Variants in IGSF10 observed in about 807,000 individuals in gnomAD.
IGSF10 encodes calvaria mechanical force protein 608.
IGSF10 carries 126 observed loss-of-function variants against 128.2 expected under a neutral mutation model. The observed-to-expected ratio is 0.98, with a 90% confidence interval of 0.85 to 1.14. The LOEUF is 1.14. Among genes scored for constraint, IGSF10 ranks in the 50% most tolerant of loss-of-function variants. IGSF10 has a pLI of 0.00. For missense variants in IGSF10, 3,295 were observed against 3,149.8 expected (o/e 1.05, Z -1.10); for synonymous variants, 1,185 against 1,146.2 (o/e 1.03, Z -0.68).
chr3:151,581,451 G>A, the IGSF10 span, among the ~76,000 whole-genome samples: 1 of 152,140 alleles, frequency 6.6e-6, no homozygotes, highest in Non-Finnish European at 1.5e-5. Flanking sequence ...CTAGAGGACT[G>A]TTATTCCTTT....
the IGSF10 span, among the ~76,000 whole-genome samples, chr3:151,572,084 T>G: frequency 6.6e-6 from 1 of 152,208 alleles, no homozygotes; most frequent in Non-Finnish European, 1.5e-5. Context: ...TTGATCGTGG[T>G]GGATAAGCCT....
chr3:151,608,361 G>T, the IGSF10 span, among the ~76,000 whole-genome samples: 4 of 152,166 alleles, frequency 2.6e-5, no homozygotes, highest in African/African-American at 9.7e-5. Context: ...GGTTTTGCAT[G>T]GAACTGAGTT....
chr3:151,487,993 G>GA, the IGSF10 span, among the ~76,000 whole-genome samples: 1 of 151,758 alleles, frequency 6.6e-6, no homozygotes, highest in Non-Finnish European at 1.5e-5. Flanking sequence ...AATCAGGCAA[G>GA]AAAAAGAAAA....
chr3:151,560,763 C>A, the IGSF10 span, among the ~76,000 whole-genome samples: 1 of 151,734 alleles, frequency 6.6e-6, no homozygotes, highest in African/African-American at 2.4e-5. Context: ...TATATTTCTT[C>A]AAATCCACAC....
chr3:151,447,907 C>T lies in IGSF10; in HGVS notation c.2074G>A (p.Glu692Lys), dbSNP rs765806227. The T allele has an allele frequency of 1.9e-6, 3 of 1,614,062 alleles. No individual in the cohort carries two copies. The highest frequency in any genetic ancestry group is 2.2e-5 in the East Asian group (1 of 44,876). Residue 692 changes from glutamate to lysine, a missense_variant, in exon 6 of 8, where the codon GAG (glutamate) becomes AAG (lysine). By Grantham distance (56) the Glu-to-Lys change is moderately conservative. Transcript: ENST00000282466. ...DESNPIAHLK[E>K]PPGAQLRTSA... Reference sequence around the variant, plus strand: ...GTACGGAGTTGTGCACCTGGTGGCTCCTTAAGATGAGCAATAGGATTGGAC... The same window carrying T: ...GTACGGAGTTGTGCACCTGGTGGCTTCTTAAGATGAGCAATAGGATTGGAC...
the IGSF10 span, among the ~76,000 whole-genome samples, chr3:151,520,220 T>C: frequency 6.6e-6 from 1 of 151,866 alleles, no homozygotes; most frequent in Admixed American, 6.6e-5. Flanking sequence ...GTTTGTTTTG[T>C]CTTCATAATG....
At chr3:151,526,528 A>G in the IGSF10 span, among the ~76,000 whole-genome samples, 1 of 152,114 alleles carries the variant, frequency 6.6e-6, no homozygotes, top group Non-Finnish European at 1.5e-5. Context: ...ATAGACTTTT[A>G]GTACCACGAA....
intron 4 of IGSF10, among the ~76,000 whole-genome samples, chr3:151,455,696 C>T (rs772051997): frequency 5.3e-5 from 8 of 152,144 alleles, no homozygotes; most frequent in Non-Finnish European, 8.8e-5. Flanking sequence ...ACATGCACAA[C>T]GCTTTATCTA....
At chr3:151,583,888 G>T in the IGSF10 span, among the ~76,000 whole-genome samples, 1 of 151,984 alleles carries the variant, frequency 6.6e-6, no homozygotes, top group Non-Finnish European at 1.5e-5. Context: ...CCCAACATAT[G>T]GACTATTTTT....
chr3:151,606,190 G>T, the IGSF10 span, among the ~76,000 whole-genome samples: 1 of 152,126 alleles, frequency 6.6e-6, no homozygotes, highest in East Asian at 1.9e-4. Flanking sequence ...GATTCATTGA[G>T]CTTTGAGATA....
At chr3:151,556,734 G>T in the IGSF10 span, among the ~76,000 whole-genome samples, 1 of 152,114 alleles carries the variant, frequency 6.6e-6, no homozygotes, top group East Asian at 1.9e-4. Context: ...TGGTAGGTAA[G>T]TTTCAGATTA....
the IGSF10 span, among the ~76,000 whole-genome samples, chr3:151,498,013 A>C: frequency 2.0e-5 from 3 of 152,288 alleles, no homozygotes; most frequent in African/African-American, 7.2e-5. Flanking sequence ...TGATTTTTGC[A>C]CATTGATTTT....
the IGSF10 span, among the ~76,000 whole-genome samples, chr3:151,568,098 G>T: frequency 2.0e-5 from 3 of 152,078 alleles, no homozygotes; most frequent in African/African-American, 7.2e-5. Context: ...CCTCTGTTCT[G>T]GTAGGTGGTC....
chr3:151,496,394 T>A, the IGSF10 span, among the ~76,000 whole-genome samples: 2 of 137,282 alleles, frequency 1.5e-5, no homozygotes, highest in Non-Finnish European at 3.1e-5. Flanking sequence ...TTCCCCTTCC[T>A]GTGTCCATGT....
the IGSF10 span, among the ~76,000 whole-genome samples, chr3:151,546,498 C>T: frequency 6.6e-6 from 1 of 151,208 alleles, no homozygotes; most frequent in African/African-American, 2.4e-5. Context: ...CAGGTGTCCA[C>T]AACCATGCCT....
the IGSF10 span, among the ~76,000 whole-genome samples, chr3:151,486,854 T>C: frequency 2.0e-3 from 305 of 152,332 alleles, 2 homozygotes; most frequent in African/African-American, 7.1e-3. Context: ...GGGAAATTTA[T>C]AGCACTAAAT....
the IGSF10 span, among the ~76,000 whole-genome samples, chr3:151,608,463 A>G: frequency 2.0e-5 from 3 of 152,306 alleles, no homozygotes; most frequent in Non-Finnish European, 4.4e-5. Flanking sequence ...ATTGGAAGAG[A>G]CCAATGACCT....
chr3:151,461,602 G>T, upstream of IGSF10: 1 of 203,144 alleles, frequency 4.9e-6, no homozygotes. Flanking sequence ...TTTGTGACAC[G>T]AGCAGCTAAA....
In IGSF10 at chr3:151,437,623, CAG is replaced by C. The variant is rs1560169756; in HGVS notation, c.6936_6937del (p.Ile2312MetfsTer6). 1 of 1,614,190 alleles carries C rather than the reference CAG, an allele frequency of 6.2e-7. No homozygotes were observed. The highest frequency in any genetic ancestry group is 2.2e-5 in the East Asian group (1 of 44,884). ...CTCTCCACCTTCATTTCGGGCCACA[CAG>C]ATAAAGTCGGCTGAATCTGAAAGCC... On this transcript the variant is annotated frameshift_variant, in exon 8 of 8. Coordinates refer to ENST00000282466, the MANE Select transcript of IGSF10 (RefSeq NM_178822.5). LOFTEE classifies it low-confidence loss of function (END_TRUNC).
Sources: allele counts gnomAD v4.1 joint callset (sites outside exome capture counted in the v4.1 genomes callset), GRCh38; gene constraint gnomAD v4.1.1; transcripts MANE v1.5; gene names NCBI Gene and HGNC (gene_info 2026-07-23, HGNC 2026-07-21).